The following TCTN2 variants were observed in gnomAD, a reference collection of about 807,000 sequenced individuals.
TCTN2 encodes tectonic-2.
In TCTN2, 66 loss-of-function variants were observed where a neutral mutation model predicts 83.4. The ratio of observed to expected loss-of-function variants is 0.79; its 90% CI spans 0.65 to 0.97. The LOEUF is 0.97. Among genes scored for constraint, TCTN2 ranks in the 50% least tolerant of loss-of-function variants. The probability of loss-of-function intolerance (pLI) is 0.00; values close to 1 mark genes in which losing one functional copy is unlikely to be tolerated. For synonymous variants in TCTN2, 301 were observed against 326.7 expected (o/e 0.92, Z 0.85); for missense variants, 794 against 858.1 (o/e 0.93, Z 0.93).
chr12:123,703,144 G>A (rs953312612), intron 14 of TCTN2, among the ~76,000 whole-genome samples: 3 of 151,214 alleles, frequency 2.0e-5, no homozygotes, highest in Non-Finnish European at 4.4e-5. Flanking sequence ...AATTAAAGTC[G>A]TTAGTGTGGA....
Position 123,707,631 on chromosome 12 carries a change from A to C in TCTN2, c.2012A>C (p.Lys671Thr). ...QGELHSQCVAKGLLLLLFLTL... is the reference protein window; with the variant it reads ...QGELHSQCVATGLLLLLFLTL... Reference sequence around the variant, plus strand: ...GAGCTGCATTCTCAGTGTGTTGCTAAGGGCTTACTGTTGCTGTTGTTCCTC... The same window carrying C: ...GAGCTGCATTCTCAGTGTGTTGCTACGGGCTTACTGTTGCTGTTGTTCCTC... The change falls in exon 18 of 18, where the codon AAG becomes ACG. Residue 671 changes from lysine (K) to threonine (T), a missense_variant. By Grantham distance (78) the Lys-to-Thr change is moderately conservative (BLOSUM62 -1). Transcript: ENST00000303372. 1 of 1,614,186 alleles carries C rather than the reference A, an allele frequency of 6.2e-7. No individual in the cohort carries two copies.
chr12:123,677,794 CTT>C (rs1357810757), intron 4 of TCTN2, among the ~76,000 whole-genome samples: 1 of 151,982 alleles, frequency 6.6e-6, no homozygotes, highest in Non-Finnish European at 1.5e-5. Flanking sequence ...TGTACAAACT[CTT>C]TCTTTTTTTT....
intron 7 of TCTN2, among the ~76,000 whole-genome samples, chr12:123,689,351 C>T (rs1004148354): frequency 1.4e-4 from 22 of 152,074 alleles, no homozygotes; most frequent in African/African-American, 5.3e-4. Flanking sequence ...CCACCGCGCC[C>T]AGCCAAAAAT....
At chr12:123,674,593 C>A (rs1430503360) in intron 4 of TCTN2, among the ~76,000 whole-genome samples, 1 of 152,092 alleles carries the variant, frequency 6.6e-6, no homozygotes, top group Non-Finnish European at 1.5e-5. Flanking sequence ...ATGACTGCAT[C>A]TTAAGAAGAA....
At chr12:123,702,408 C>G (rs1278291924) in intron 14 of TCTN2, among the ~76,000 whole-genome samples, 1 of 152,038 alleles carries the variant, frequency 6.6e-6, no homozygotes, top group African/African-American at 2.4e-5. Flanking sequence ...TGTGCCTACT[C>G]CTTGTGATTG....
At position 123,708,017 on chromosome 12, in the gene TCTN2, T is replaced by C. The variant is rs1214252184; in HGVS notation, c.*304T>C. On this transcript the variant is annotated 3_prime_UTR_variant, in exon 18 of 18. Transcript: ENST00000303372. Reference sequence around the variant, plus strand: ...GCCACCGCACCCGGCCTTTTTTTTTTTTTTTTTTTTTTTGAGGCGGGGTCT... The same window carrying C: ...GCCACCGCACCCGGCCTTTTTTTTTCTTTTTTTTTTTTTGAGGCGGGGTCT... 7.0e-6 allele frequency: 2 copies of C among 285,160 alleles called. No homozygotes were observed. Among genetic ancestry groups the C allele is most frequent in the East Asian group, 1.5e-4 (2 of 13,628 alleles). 17.7% of individuals were successfully genotyped at this position (285,160 alleles called of 1,614,324 possible). A position where few individuals can be genotyped will look rare whatever the true frequency, so the allele number is the denominator to read the frequency against.
chr12:123,676,468 T>C (rs1955822292), intron 4 of TCTN2, among the ~76,000 whole-genome samples: 1 of 145,960 alleles, frequency 6.9e-6, no homozygotes, highest in African/African-American at 2.6e-5. Context: ...CTCGAGAGGC[T>C]GAGGCAGGAG....
chr12:123,696,353 C>A, intron 11 of TCTN2, 62 bp from the exon 12 acceptor site: 1 of 1,329,466 alleles, frequency 7.5e-7, no homozygotes, highest in Non-Finnish European at 1.1e-6. Flanking sequence ...GTATTATTTG[C>A]AGAGTTAGGG....
intron 4 of TCTN2, among the ~76,000 whole-genome samples, chr12:123,676,461 G>A (rs937143615): frequency 2.7e-5 from 4 of 150,326 alleles, no homozygotes; most frequent in African/African-American, 9.8e-5. Context: ...CCAGCTACTC[G>A]AGAGGCTGAG....
Position 123,679,215 on chromosome 12 carries a change from G to T in TCTN2, c.490G>T (p.Val164Leu), listed in dbSNP as rs776834352. The change falls in exon 5 of 18, where the codon GTG (valine) becomes TTG (leucine). Residue 164 changes from valine to leucine, a missense_variant. Physicochemically the swap from Val to Leu is conservative, Grantham distance 32. Transcript: ENST00000303372. ...GAACGTGACTGTCATTCCTAACCAG[G>T]TGTATCAGCCCCTTGGCCCTTGTCC... ...SENVTVIPNQ[V>L]YQPLGPCPCN... is the part of the protein sequence containing the mutation. 6.2e-7 allele frequency: 1 copy of T among 1,614,064 alleles called. No homozygotes were observed. Among genetic ancestry groups the T allele is most frequent in the Non-Finnish European group, 8.5e-7 (1 of 1,179,964 alleles).
chr12:123,676,339 T>C (rs1017236290), intron 4 of TCTN2, among the ~76,000 whole-genome samples: 8 of 151,678 alleles, frequency 5.3e-5, no homozygotes, highest in Non-Finnish European at 1.0e-4. Flanking sequence ...GAGGCTGAGG[T>C]GGGCGGATCA....
chr12:123,672,380 G>A (rs1955765467), intron 3 of TCTN2, among the ~76,000 whole-genome samples: 1 of 152,128 alleles, frequency 6.6e-6, no homozygotes, highest in African/African-American at 2.4e-5. Context: ...CTGTGTGTAT[G>A]TGCATTTTTC....
At chr12:123,701,201 G>T (rs1271241215) in intron 14 of TCTN2, among the ~76,000 whole-genome samples, 1 of 152,264 alleles carries the variant, frequency 6.6e-6, no homozygotes, top group East Asian at 1.9e-4. Flanking sequence ...GTCCAGAATG[G>T]GCAATGTATA....
intron 4 of TCTN2, among the ~76,000 whole-genome samples, chr12:123,676,843 T>C (rs1955829193): frequency 6.6e-6 from 1 of 152,048 alleles, no homozygotes. Context: ...CACACAAACA[T>C]CTATTTGTAT....
At chr12:123,692,537 G>A (rs1956055942) in intron 8 of TCTN2, 121 bp from the exon 9 acceptor site, 3 of 776,830 alleles carry the variant, frequency 3.9e-6, no homozygotes, top group Non-Finnish European at 6.8e-6. Flanking sequence ...GGAGGGTTTT[G>A]TAGTCAGCAC....
intron 14 of TCTN2, 24 bp from the exon 15 acceptor site, chr12:123,704,508 G>T (rs752580785): frequency 2.0e-5 from 32 of 1,592,614 alleles, no homozygotes; most frequent in Non-Finnish European, 2.6e-5. Flanking sequence ...TCTTTGAAAA[G>T]TGTATAACTT....
At position 123,673,892 on chromosome 12, in the gene TCTN2, C is replaced by T. The variant is rs776760490; in HGVS notation, c.463+82C>T. The T allele has an allele frequency of 8.5e-5, 121 of 1,415,916 alleles. 1 individual carries two copies. Among genetic ancestry groups the T allele is most frequent in the Non-Finnish European group, 1.1e-4 (108 of 1,005,782 alleles). 87.7% of individuals were successfully genotyped at this position (1,415,916 alleles called of 1,614,324 possible). A position where few individuals can be genotyped will look rare whatever the true frequency, so the allele number is the denominator to read the frequency against. ...AAGAGGTAGGAGGATTGCTTGAGCC[C>T]GGGAGGTTGATGCTATAAATGAGCT... On this transcript the variant is annotated intron_variant, in intron 4 of 17. Coordinates refer to ENST00000303372, the MANE Select transcript of TCTN2 (RefSeq NM_024809.5).
chr12:123,685,578 C>G (rs1250230604), intron 5 of TCTN2, among the ~76,000 whole-genome samples: 1 of 151,974 alleles, frequency 6.6e-6, no homozygotes, highest in Non-Finnish European at 1.5e-5. Context: ...GCCACCACGC[C>G]TGGCTAATTT....
chr12:123,698,534 C>T (rs901213762), intron 13 of TCTN2, among the ~76,000 whole-genome samples: 1 of 151,980 alleles, frequency 6.6e-6, no homozygotes, highest in Non-Finnish European at 1.5e-5. Context: ...CCCTCTTGAG[C>T]TCAGGTGATC....
Sources: allele counts gnomAD v4.1 joint callset (sites outside exome capture counted in the v4.1 genomes callset), GRCh38; gene constraint gnomAD v4.1.1; transcripts MANE v1.5; gene names NCBI Gene and HGNC (gene_info 2026-07-23, HGNC 2026-07-21).